SLC25A21: variants seen among roughly 807,000 people sequenced by gnomAD.
SLC25A21 encodes solute carrier family 25 member 21.
SLC25A21 carries 47 observed loss-of-function variants against 43.8 expected under a neutral mutation model. The ratio of observed to expected loss-of-function variants is 1.07; its 90% CI spans 0.85 to 1.37. The LOEUF (loss-of-function observed/expected upper bound fraction) is 1.37. SLC25A21 is among the 40% of genes most tolerant of loss of function. SLC25A21 has a pLI of 0.00. For synonymous variants in SLC25A21, 131 were observed against 121.3 expected (o/e 1.08, Z -0.52); for missense variants, 352 against 350.2 (o/e 1.00, Z -0.04).
chr14:36,884,375 C>T (rs1890854051), intron 1 of SLC25A21, among the ~76,000 whole-genome samples: 1 of 152,152 alleles, frequency 6.6e-6, no homozygotes, highest in Admixed American at 6.6e-5. Flanking sequence ...CACTCATTCA[C>T]TGATGGACAT....
intron 1 of SLC25A21, among the ~76,000 whole-genome samples, chr14:36,908,605 A>C (rs1566730263): frequency 6.6e-6 from 1 of 152,224 alleles, no homozygotes; most frequent in Non-Finnish European, 1.5e-5. Context: ...GTGGCTATTT[A>C]GCATATAAAA....
At chr14:36,709,199 G>T (rs954573716) in intron 7 of SLC25A21, among the ~76,000 whole-genome samples, 2 of 152,096 alleles carry the variant, frequency 1.3e-5, no homozygotes, top group African/African-American at 2.4e-5. Flanking sequence ...TGGAGTGGTT[G>T]TCTTACAGTC....
chr14:37,150,253 T>G (rs1264485161), intron 1 of SLC25A21, among the ~76,000 whole-genome samples: 1 of 152,196 alleles, frequency 6.6e-6, no homozygotes, highest in Non-Finnish European at 1.5e-5. Context: ...AATTATGGAA[T>G]CTAGGAGTTT....
At chr14:36,881,142 T>C (rs1444278055) in intron 1 of SLC25A21, among the ~76,000 whole-genome samples, 1 of 152,210 alleles carries the variant, frequency 6.6e-6, no homozygotes, top group Non-Finnish European at 1.5e-5. Flanking sequence ...CATGACTGCT[T>C]ACGTTTATCC....
At chr14:37,033,165 T>C (rs1961256423) in intron 1 of SLC25A21, among the ~76,000 whole-genome samples, 2 of 152,172 alleles carry the variant, frequency 1.3e-5, no homozygotes, top group African/African-American at 4.8e-5. Flanking sequence ...ACCATTCTAC[T>C]TTGTTTCTAT....
chr14:36,909,736 G>C (rs969975513), intron 1 of SLC25A21, among the ~76,000 whole-genome samples: 3 of 152,136 alleles, frequency 2.0e-5, no homozygotes, highest in Non-Finnish European at 4.4e-5. Flanking sequence ...TAAGTAAACA[G>C]TTGTCAAGAA....
chr14:37,042,736 T>C (rs1447619426), intron 1 of SLC25A21, among the ~76,000 whole-genome samples: 2 of 152,222 alleles, frequency 1.3e-5, no homozygotes, highest in African/African-American at 4.8e-5. Flanking sequence ...ATACCTATTG[T>C]GTAAACCAGG....
At chr14:36,755,676 A>G (rs1021660625) in intron 3 of SLC25A21, among the ~76,000 whole-genome samples, 3 of 152,250 alleles carry the variant, frequency 2.0e-5, no homozygotes, top group Admixed American at 6.5e-5. Flanking sequence ...ATCTATATAT[A>G]TCAAATATAT....
intron 9 of SLC25A21, 103 bp from the exon 10 acceptor site, chr14:36,680,822 A>T: frequency 1.0e-6 from 1 of 989,578 alleles, no homozygotes; most frequent in South Asian, 1.6e-5. Context: ...CCTGTCAGGC[A>T]GAGGCTGTTC....
chr14:37,081,690 T>G (rs1178063318), intron 1 of SLC25A21, among the ~76,000 whole-genome samples: 1 of 152,238 alleles, frequency 6.6e-6, no homozygotes, highest in Non-Finnish European at 1.5e-5. Context: ...GGAATTAAAA[T>G]ATTTGGATAT....
At chr14:36,884,022 A>G (rs528742930) in intron 1 of SLC25A21, among the ~76,000 whole-genome samples, 3 of 152,300 alleles carry the variant, frequency 2.0e-5, no homozygotes, top group Admixed American at 2.0e-4. Flanking sequence ...CAACTTTGAA[A>G]TATGGAATGC....
At chr14:36,808,125 A>C (rs1888110373) in intron 3 of SLC25A21, among the ~76,000 whole-genome samples, 1 of 152,212 alleles carries the variant, frequency 6.6e-6, no homozygotes, top group Non-Finnish European at 1.5e-5. Flanking sequence ...TACTTTCTGA[A>C]GAATACCATA....
Position 36,678,384 on chromosome 14 carries a change from T to C in SLC25A21, c.*2274A>G. On this transcript the variant is annotated 3_prime_UTR_variant, in exon 10 of 10. Transcript: ENST00000331299. ...ATTCAGTGCTACAAATAGAGGATTA[T>C]AACTTCAGGAGAAGAATAAGCAGAA... 1 of 1,044,766 alleles carries C rather than the reference T, an allele frequency of 9.6e-7. No individual in the cohort carries two copies. Among genetic ancestry groups the C allele is most frequent in the South Asian group, 1.4e-5 (1 of 73,396 alleles). The allele number at this position is 1,044,766 out of a possible 1,614,324, so 64.7% of individuals were successfully genotyped here. A position where few individuals can be genotyped will look rare whatever the true frequency, so the allele number is the denominator to read the frequency against.
chr14:36,950,209 C>T (rs1351275599), intron 1 of SLC25A21, among the ~76,000 whole-genome samples: 1 of 152,092 alleles, frequency 6.6e-6, no homozygotes, highest in African/African-American at 2.4e-5. Flanking sequence ...CTGAATAACA[C>T]CCATGATTTT....
Position 37,172,245 on chromosome 14 carries a change from A to G in SLC25A21, c.70+36T>C, listed in dbSNP as rs779542662. The G allele has an allele frequency of 2.6e-6, 4 of 1,558,632 alleles. No homozygotes were observed. In the South Asian group the frequency reaches 4.8e-5, roughly 19 times the overall value. ...TTCAGGACACGCGGTGGGGAAAGCGACTAGCCTCCGGCGGGGCAGGGCGGG... is the reference window on the plus strand; with the variant it reads ...TTCAGGACACGCGGTGGGGAAAGCGGCTAGCCTCCGGCGGGGCAGGGCGGG... On this transcript the variant is annotated intron_variant, in intron 1 of 9. Coordinates refer to ENST00000331299, the MANE Select transcript of SLC25A21 (RefSeq NM_030631.4).
intron 4 of SLC25A21, among the ~76,000 whole-genome samples, chr14:36,733,979 C>T (rs1204064607): frequency 6.6e-6 from 1 of 151,908 alleles, no homozygotes; most frequent in Non-Finnish European, 1.5e-5. Context: ...TTGTTAAGAA[C>T]CAGAATAGAG....
rs1484283870 is a variant in SLC25A21, at chr14:36,794,767, T to A, written c.203+19151A>T. On this transcript the variant is annotated intron_variant, in intron 3 of 9. Coordinates refer to ENST00000331299, the MANE Select transcript of SLC25A21 (RefSeq NM_030631.4). ...CTGGGTGACAGAGCAAGACTCCATT[T>A]AAAAAAAAAAAAAAAATCCTAGTAA... 8.8e-3 allele frequency among the ~76,000 whole-genome samples: 1,241 copies of A among 141,588 alleles called. 6 individuals carry two copies. The highest frequency in any genetic ancestry group is 0.014 in the Non-Finnish European group (883 of 64,974). 92.9% of individuals were successfully genotyped at this position (141,588 alleles called of 152,430 possible).
chr14:36,839,105 T>C (rs984118041), intron 2 of SLC25A21, among the ~76,000 whole-genome samples: 1 of 152,242 alleles, frequency 6.6e-6, no homozygotes, highest in African/African-American at 2.4e-5. Flanking sequence ...GATGACTTAC[T>C]TACAATTATT....
chr14:37,098,714 T>C (rs990040213), intron 1 of SLC25A21, among the ~76,000 whole-genome samples: 2 of 46,262 alleles, frequency 4.3e-5, no homozygotes, highest in Non-Finnish European at 8.9e-5. Flanking sequence ...GATAGATAGA[T>C]AGATAGATAG....
Sources: gnomAD v4.1 joint callset for allele counts (sites outside exome capture counted in the v4.1 genomes callset) on GRCh38, gnomAD v4.1.1 for gene constraint, MANE v1.5 for transcripts, NCBI Gene and HGNC (gene_info 2026-07-23, HGNC 2026-07-21) for gene names.